HTR1F: variants seen among roughly 807,000 people sequenced by gnomAD.
The protein encoded by HTR1F is 5-hydroxytryptamine receptor 1F, also known as 5-hydroxytryptamine (serotonin) receptor 1F, G protein-coupled.
HTR1F carries 17 observed loss-of-function variants against 24.0 expected under a neutral mutation model. That is an observed-to-expected ratio of 0.71 (90% CI 0.48 to 1.06). HTR1F has a LOEUF of 1.06. Among genes scored for constraint, HTR1F ranks in the 50% least tolerant of loss-of-function variants. The probability of loss-of-function intolerance (pLI) is 0.00; values close to 1 mark genes in which losing one functional copy is unlikely to be tolerated. For synonymous variants in HTR1F, 186 were observed against 156.8 expected (o/e 1.19, Z -1.39); for missense variants, 391 against 427.8 (o/e 0.91, Z 0.76).
At chr3:87,962,959 T>G (rs541324525) in intron 2 of HTR1F, among the ~76,000 whole-genome samples, 32 of 151,112 alleles carry the variant, frequency 2.1e-4, no homozygotes, top group Non-Finnish European at 1.2e-4. Context: ...GAAAATTATG[T>G]ATTTTTTTTA....
At chr3:87,828,976 T>G (rs1165904641) in intron 2 of HTR1F, among the ~76,000 whole-genome samples, 1 of 151,876 alleles carries the variant, frequency 6.6e-6, no homozygotes, top group Non-Finnish European at 1.5e-5. Flanking sequence ...AACCACTTGC[T>G]GACATGTGGT....
At chr3:87,911,365 G>GA (rs1703775763) in intron 2 of HTR1F, among the ~76,000 whole-genome samples, 1 of 151,978 alleles carries the variant, frequency 6.6e-6, no homozygotes, top group Non-Finnish European at 1.5e-5. Flanking sequence ...AGAAAACCTA[G>GA]AAAAGATGGA....
At chr3:87,933,573 G>C (rs1191975337) in intron 2 of HTR1F, among the ~76,000 whole-genome samples, 1 of 151,862 alleles carries the variant, frequency 6.6e-6, no homozygotes, top group African/African-American at 2.4e-5. Flanking sequence ...GACAAACAGA[G>C]AGCCAAATCA....
chr3:87,853,905 G>A (rs1460378608), intron 2 of HTR1F, among the ~76,000 whole-genome samples: 1 of 151,748 alleles, frequency 6.6e-6, no homozygotes, highest in Non-Finnish European at 1.5e-5. Flanking sequence ...CTTTTTAATG[G>A]GGTTATTTAT....
At chr3:87,961,673 C>G (rs1256262710) in intron 2 of HTR1F, among the ~76,000 whole-genome samples, 1 of 151,728 alleles carries the variant, frequency 6.6e-6, no homozygotes. Context: ...AACACAGTAT[C>G]TAATATCTCA....
chr3:87,887,247 G>C (rs561500341), intron 2 of HTR1F, among the ~76,000 whole-genome samples: 194 of 152,212 alleles, frequency 1.3e-3, no homozygotes, highest in Non-Finnish European at 2.5e-3. Context: ...TTTAATAAAT[G>C]GTGCTGGGAA....
intron 2 of HTR1F, among the ~76,000 whole-genome samples, chr3:87,965,221 AAC>A (rs1360705219): frequency 8.5e-5 from 13 of 152,164 alleles, no homozygotes; most frequent in African/African-American, 2.9e-4. Flanking sequence ...ATTTTTTATA[AAC>A]AGTCATGCCC....
intron 2 of HTR1F, among the ~76,000 whole-genome samples, chr3:87,954,521 A>G (rs974797484): frequency 6.6e-6 from 1 of 151,720 alleles, no homozygotes; most frequent in Non-Finnish European, 1.5e-5. Context: ...GAGAAATATT[A>G]TGAACTTCAA....
intron 2 of HTR1F, among the ~76,000 whole-genome samples, chr3:87,929,789 T>C (rs187182675): frequency 3.1e-4 from 47 of 152,310 alleles, no homozygotes; most frequent in African/African-American, 1.1e-3. Context: ...TTGGGCTCTT[T>C]TTGGGCTCCA....
At position 87,992,983 on chromosome 3, in the gene HTR1F, C is replaced by T. The variant is rs960991206; in HGVS notation, c.*1133C>T. On this transcript the variant is annotated 3_prime_UTR_variant, in exon 3 of 3. Transcript: ENST00000319595. ...TTTGTAATTAGTCACTCTACTAGTT[C>T]AGTGAGCCAAAGCAATTCCATAAGT... 1.8e-5 allele frequency: 3 copies of T among 166,800 alleles called. No individual in the cohort carries two copies. Among genetic ancestry groups the T allele is most frequent in the African/African-American group, 7.2e-5 (3 of 41,406 alleles). The allele number at this position is 166,800 out of a possible 1,614,324, so 10.3% of individuals were successfully genotyped here.
chr3:87,938,302 T>G (rs1704477850), intron 2 of HTR1F, among the ~76,000 whole-genome samples: 2 of 152,090 alleles, frequency 1.3e-5, no homozygotes, highest in Non-Finnish European at 2.9e-5. Flanking sequence ...TACAAACAAA[T>G]GGAAAAACAT....
At chr3:87,861,842 G>A (rs954040357) in intron 2 of HTR1F, among the ~76,000 whole-genome samples, 8 of 151,898 alleles carry the variant, frequency 5.3e-5, no homozygotes, top group Non-Finnish European at 7.4e-5. Context: ...AAGTGCTCTA[G>A]GGATTACATT....
chr3:87,868,584 T>A (rs58360739), intron 2 of HTR1F, among the ~76,000 whole-genome samples: 3,369 of 151,778 alleles, frequency 0.022, 129 homozygotes, highest in African/African-American at 0.077. Flanking sequence ...AATTTAGAAA[T>A]TTTCAAAACT....
chr3:87,963,073 T>C (rs1305888123), intron 2 of HTR1F, among the ~76,000 whole-genome samples: 3 of 152,080 alleles, frequency 2.0e-5, no homozygotes, highest in Non-Finnish European at 4.4e-5. Context: ...GATAATGATA[T>C]TTTACAAAAT....
chr3:87,961,763 A>G (rs1705065750), intron 2 of HTR1F, among the ~76,000 whole-genome samples: 1 of 151,640 alleles, frequency 6.6e-6, no homozygotes, highest in South Asian at 2.1e-4. Context: ...TGAAAAATGG[A>G]AAGTAATGGA....
At chr3:87,933,706 G>A (rs1704341486) in intron 2 of HTR1F, among the ~76,000 whole-genome samples, 1 of 152,082 alleles carries the variant, frequency 6.6e-6, no homozygotes, top group Non-Finnish European at 1.5e-5. Context: ...AATAAAAGAG[G>A]ATACAAAGAA....
At chr3:87,964,800 G>A (rs1409455410) in intron 2 of HTR1F, among the ~76,000 whole-genome samples, 1 of 152,106 alleles carries the variant, frequency 6.6e-6, no homozygotes, top group Non-Finnish European at 1.5e-5. Context: ...ATATGATATG[G>A]CTGTATCCTT....
chr3:87,840,923 C>T lies in HTR1F; in HGVS notation c.-43+18799C>T, dbSNP rs1704789017. Among the ~76,000 whole-genome samples the T allele has an allele frequency of 3.3e-5, 5 of 151,892 alleles. No homozygotes were observed. In the South Asian group the frequency reaches 1.0e-3, roughly 32 times the overall value. On this transcript the variant is annotated intron_variant, in intron 2 of 2. Transcript: ENST00000319595. ...AAAATAGAAAGACAGTTACCAGTGG[C>T]TCTGAAGAGAGTGTGGACGGGAAAA... is the stretch of plus-strand genomic sequence containing the variant.
chr3:87,990,395 A>G (rs886530691), intron 2 of HTR1F, among the ~76,000 whole-genome samples: 4 of 152,164 alleles, frequency 2.6e-5, no homozygotes, highest in Non-Finnish European at 4.4e-5. Context: ...ACTTTTTCTG[A>G]CATGGACAAA....
Sources: allele counts gnomAD v4.1 joint callset (sites outside exome capture counted in the v4.1 genomes callset), GRCh38; gene constraint gnomAD v4.1.1; transcripts MANE v1.5; gene names NCBI Gene and HGNC (gene_info 2026-07-23, HGNC 2026-07-21).